GRM3: variants seen among roughly 807,000 people sequenced by gnomAD.
GRM3 encodes the protein metabotropic glutamate receptor 3.
A neutral mutation model predicts 70.5 loss-of-function variants in GRM3; 26 were observed. The ratio of observed to expected loss-of-function variants is 0.37; its 90% confidence interval spans 0.27 to 0.51. The LOEUF is 0.51. Among genes scored for constraint, GRM3 ranks in the 20% least tolerant of loss-of-function variants. The pLI is 0.93. For synonymous variants in GRM3, 443 were observed against 434.9 expected (o/e 1.02, Z -0.23); for missense variants, 859 against 1,123.8 (o/e 0.76, Z 3.37).
intron 3 of GRM3, among the ~76,000 whole-genome samples, chr7:86,814,331 A>G: frequency 6.6e-6 from 1 of 151,764 alleles, no homozygotes; most frequent in South Asian, 2.1e-4. Flanking sequence ...CCAACACTCC[A>G]GCAGTAGACA....
rs538189862 is a variant in GRM3 at position 86,668,615 on chromosome 7, AAGG to A, written c.-141+23749_-141+23751del. On this transcript the variant is annotated intron_variant, in intron 1 of 5. Transcript: ENST00000361669. ...TTAGAGGGCAGAGAAACTTGGAGGG[AAGG>A]AGGAGAAGAGGAAAGTGAATTACTG... is the stretch of plus-strand genomic sequence containing the variant. Among the ~76,000 whole-genome samples, 16 of 152,208 alleles carry A rather than the reference AAGG, an allele frequency of 1.1e-4. No homozygotes were observed. In the South Asian group the frequency reaches 3.3e-3, roughly 32 times the overall value.
intron 5 of GRM3, among the ~76,000 whole-genome samples, chr7:86,850,748 C>A (rs1424233052): frequency 6.6e-6 from 1 of 152,094 alleles, no homozygotes; most frequent in African/African-American, 2.4e-5. Context: ...TCTGTTTGGG[C>A]AGCACATACA....
intron 2 of GRM3, among the ~76,000 whole-genome samples, chr7:86,779,151 A>C (rs1446512506): frequency 1.3e-5 from 2 of 152,218 alleles, no homozygotes; most frequent in Non-Finnish European, 2.9e-5. Context: ...CTACTGTAGC[A>C]TCATTCCACA....
chr7:86,777,895 G>A (rs1315802987), intron 2 of GRM3, among the ~76,000 whole-genome samples: 1 of 152,142 alleles, frequency 6.6e-6, no homozygotes, highest in African/African-American at 2.4e-5. Context: ...GGACACTGAG[G>A]TCTCTAAACA....
At chr7:86,849,806 A>G (rs1798724466) in intron 4 of GRM3, among the ~76,000 whole-genome samples, 1 of 152,154 alleles carries the variant, frequency 6.6e-6, no homozygotes, top group Non-Finnish European at 1.5e-5. Context: ...AGAGATGCCA[A>G]TAAGCAAAAG....
Position 86,687,960 on chromosome 7 carries a change from A to C in GRM3, c.-141+43088A>C, listed in dbSNP as rs545278358. 1.3e-4 allele frequency among the ~76,000 whole-genome samples: 19 copies of C among 151,944 alleles called. No homozygotes were observed. The South Asian group carries it at 3.9e-3, about 31-fold the overall frequency. On this transcript the variant is annotated intron_variant, in intron 1 of 5. Coordinates refer to ENST00000361669, the MANE Select transcript of GRM3 (RefSeq NM_000840.3). ...ATGTAATGAATAAATAGGAAGCCAG[A>C]AAAGAGAAATAAAGGATAAAACAGG...
At chr7:86,781,704 T>C (rs1208796165) in intron 2 of GRM3, among the ~76,000 whole-genome samples, 1 of 152,168 alleles carries the variant, frequency 6.6e-6, no homozygotes, top group Non-Finnish European at 1.5e-5. Context: ...TTCTTCTATC[T>C]CTACAATGTA....
intron 1 of GRM3, among the ~76,000 whole-genome samples, chr7:86,737,230 T>G (rs1795883819): frequency 6.6e-6 from 1 of 152,236 alleles, no homozygotes; most frequent in Admixed American, 6.5e-5. Flanking sequence ...TAATGTTTAA[T>G]AAGTGCTTTC....
intron 1 of GRM3, among the ~76,000 whole-genome samples, chr7:86,719,820 C>G (rs1259306160): frequency 2.0e-5 from 3 of 151,700 alleles, no homozygotes; most frequent in Admixed American, 2.0e-4. Flanking sequence ...TTACAAGCTG[C>G]CTTAAGGAGG....
At chr7:86,691,222 G>C (rs913663121) in intron 1 of GRM3, among the ~76,000 whole-genome samples, 2 of 152,104 alleles carry the variant, frequency 1.3e-5, no homozygotes, top group African/African-American at 4.8e-5. Flanking sequence ...ACCTGCCCAG[G>C]TCATCTTGAT....
At chr7:86,685,883 G>C (rs1191767045) in intron 1 of GRM3, among the ~76,000 whole-genome samples, 1 of 137,930 alleles carries the variant, frequency 7.3e-6, no homozygotes, top group Non-Finnish European at 1.5e-5. Flanking sequence ...CTTAGCCTGG[G>C]CAACAGAGAA....
At chr7:86,855,235 TAA>T (rs1465922432) in intron 5 of GRM3, among the ~76,000 whole-genome samples, 2 of 152,126 alleles carry the variant, frequency 1.3e-5, no homozygotes, top group Non-Finnish European at 2.9e-5. Flanking sequence ...GCATAATATT[TAA>T]AGAGACAAGC....
At chr7:86,803,312 A>G (rs75976566) in intron 3 of GRM3, among the ~76,000 whole-genome samples, 3,458 of 152,272 alleles carry the variant, frequency 0.023, 51 homozygotes, top group Non-Finnish European at 0.033. Context: ...TTCACCCTTA[A>G]AACTTACCCT....
At chr7:86,789,373 A>G (rs1052907721) in intron 3 of GRM3, among the ~76,000 whole-genome samples, 36 of 152,238 alleles carry the variant, frequency 2.4e-4, no homozygotes, top group Non-Finnish European at 1.2e-4. Flanking sequence ...AGAACTAACT[A>G]TAGTAATAGA....
chr7:86,778,263 T>C (rs1796947606), intron 2 of GRM3, among the ~76,000 whole-genome samples: 1 of 152,240 alleles, frequency 6.6e-6, no homozygotes. Flanking sequence ...ATCTGGAATT[T>C]TTGTAGCTAA....
chr7:86,749,389 G>A (rs573006987), intron 1 of GRM3, among the ~76,000 whole-genome samples: 16 of 152,108 alleles, frequency 1.1e-4, no homozygotes, highest in East Asian at 9.7e-4. Context: ...GCTACATTTC[G>A]CAGGAATTGC....
intron 1 of GRM3, among the ~76,000 whole-genome samples, chr7:86,730,491 G>A (rs1330480482): frequency 5.3e-5 from 8 of 152,232 alleles, no homozygotes; most frequent in African/African-American, 1.9e-4. Flanking sequence ...GGCTTCACTA[G>A]AAAGGGATGG....
In GRM3 at chr7:86,808,092, A is replaced by T. The variant is rs925771940; in HGVS notation, c.1324+20976A>T. Among the ~76,000 whole-genome samples the T allele has an allele frequency of 2.6e-5, 4 of 152,140 alleles. No individual in the cohort carries two copies. The East Asian group carries it at 7.7e-4, about 29-fold the overall frequency. On this transcript the variant is annotated intron_variant, in intron 3 of 5. Coordinates refer to ENST00000361669, the MANE Select transcript of GRM3 (RefSeq NM_000840.3). The stretch of plus-strand genomic sequence containing the variant: ...AACCAGCCTTGCATCCCAGGGATGA[A>T]ACCAACCTTATCCTGGTGGATAAGC...
chr7:86,816,660 T>C (rs977152372), intron 3 of GRM3, among the ~76,000 whole-genome samples: 49 of 152,006 alleles, frequency 3.2e-4, no homozygotes, highest in Admixed American at 3.2e-3. Flanking sequence ...TTCCATTATG[T>C]ATATGTACCA....
Sources: gnomAD v4.1 joint callset for allele counts (sites outside exome capture counted in the v4.1 genomes callset) on GRCh38, gnomAD v4.1.1 for gene constraint, MANE v1.5 for transcripts, NCBI Gene and HGNC (gene_info 2026-07-23, HGNC 2026-07-21) for gene names.